Variants in ADGRG4 observed in about 807,000 individuals in gnomAD.
ADGRG4 encodes the protein adhesion G protein-coupled receptor G4, also known as G protein-coupled receptor 112.
Under a neutral mutation model 126.2 loss-of-function variants are expected in ADGRG4, and 122 were observed. That is an observed-to-expected ratio of 0.97 (90% confidence interval 0.83 to 1.12). The LOEUF (loss-of-function observed/expected upper bound fraction) is 1.12, where lower values mean the gene tolerates loss of function less well. Among genes scored for constraint, ADGRG4 ranks in the 50% most tolerant of loss-of-function variants. The pLI is 0.00. For synonymous variants in ADGRG4, 943 were observed against 838.7 expected (o/e 1.12, Z -2.15); for missense variants, 2,481 against 2,251.8 (o/e 1.10, Z -2.06).
At chrX:136,361,993 C>T (rs1451529756) in intron 12 of ADGRG4, among the ~76,000 whole-genome samples, 1 of 112,121 alleles carries the variant, frequency 8.9e-6, no homozygotes, top group African/African-American at 3.2e-5. Flanking sequence ...GTTTATCAAA[C>T]ATTTTCCATG....
intron 15 of ADGRG4, among the ~76,000 whole-genome samples, chrX:136,384,369 TCA>T (rs2075282577): frequency 8.9e-6 from 1 of 112,300 alleles, no homozygotes; most frequent in Non-Finnish European, 1.9e-5. Context: ...GCTATAATTG[TCA>T]CACACATATT....
intron 5 of ADGRG4, among the ~76,000 whole-genome samples, chrX:136,328,125 A>C (rs963512394): frequency 3.6e-5 from 4 of 111,303 alleles, no homozygotes; most frequent in Admixed American, 9.6e-5. Flanking sequence ...ATTTAATAAT[A>C]TTTTTGGAGG....
At chrX:136,364,375 G>C (rs1039279993) in intron 13 of ADGRG4, among the ~76,000 whole-genome samples, 1 of 111,409 alleles carries the variant, frequency 9.0e-6, no homozygotes, top group South Asian at 3.8e-4. Flanking sequence ...ACAAAGTGGA[G>C]CATACTATAC....
At chrX:136,393,644 G>A (rs1280088850) in intron 18 of ADGRG4, 64 bp downstream of exon 18, 1 of 833,184 alleles carries the variant, frequency 1.2e-6, no homozygotes, top group Non-Finnish European at 1.8e-6. Flanking sequence ...GCAGTTAAAT[G>A]GGAGGGGGTT....
Position 136,414,030 on chromosome X carries a change from T to G in ADGRG4, c.9038-130T>G, listed in dbSNP as rs747125754. On this transcript the variant is annotated intron_variant, in intron 24 of 25. Coordinates refer to ENST00000394143, the MANE Select transcript of ADGRG4 (RefSeq NM_153834.4). ...TGCTGGAATTACAGGCGTGAGCCAC[T>G]GCGCCTGGCCTAAACTTTGTATTTT... 407 of 540,650 alleles carry G rather than the reference T, an allele frequency of 7.5e-4. 1 individual carries two copies. Among genetic ancestry groups the G allele is most frequent in the Non-Finnish European group, 1.1e-3 (372 of 353,922 alleles). 44.6% of individuals were successfully genotyped at this position (540,650 alleles called of 1,213,427 possible). A position where few individuals can be genotyped will look rare whatever the true frequency, so the allele number is the denominator to read the frequency against.
In ADGRG4 at chrX:136,395,485, G is replaced by A; in HGVS notation, c.8176G>A (p.Val2726Ile). 1 of 1,124,655 alleles carries A rather than the reference G, an allele frequency of 8.9e-7. No individual in the cohort carries two copies. Among genetic ancestry groups the A allele is most frequent in the Non-Finnish European group, 1.2e-6 (1 of 819,861 alleles). The allele number at this position is 1,124,655 out of a possible 1,213,427, so 92.7% of individuals were successfully genotyped here. The stretch of plus-strand genomic sequence containing the variant: ...GTGTGACCACCTCACCCATTTTGGA[G>A]TCTTAATGGTGAGTTGTCTCTTAGT... ...CQCDHLTHFG[V>I]LMDLSRSTVD... Residue 2726 changes from valine (V) to isoleucine (I), a missense_variant, in exon 19 of 26, where the codon GTC becomes ATC. Coordinates refer to ENST00000394143, the MANE Select transcript of ADGRG4 (RefSeq NM_153834.4).
chrX:136,312,404 A>T (rs1422884295), intron 4 of ADGRG4, among the ~76,000 whole-genome samples: 2 of 112,034 alleles, frequency 1.8e-5, no homozygotes, highest in African/African-American at 6.5e-5. Flanking sequence ...AGGCAGGTGG[A>T]TCACTTGAGC....
Position 136,392,216 on chromosome X carries a change from T to G in ADGRG4, c.7912-16T>G. On this transcript the variant is annotated splice_polypyrimidine_tract_variant and intron_variant, in intron 16 of 25. Coordinates refer to ENST00000394143, the MANE Select transcript of ADGRG4 (RefSeq NM_153834.4). ...AGAAATTTAGGTCCTGAACTCCTCTTTTGTTTCATCTGCAGACCAAAAATG... is the reference window on the plus strand; with the variant it reads ...AGAAATTTAGGTCCTGAACTCCTCTGTTGTTTCATCTGCAGACCAAAAATG... The G allele has an allele frequency of 8.7e-7, 1 of 1,148,235 alleles. No homozygotes were observed. The highest frequency in any genetic ancestry group is 2.4e-4 in the Middle Eastern group (1 of 4,113). The allele number at this position is 1,148,235 out of a possible 1,213,427, so 94.6% of individuals were successfully genotyped here.
Position 136,350,153 on chromosome X carries a change from C to G in ADGRG4, c.6447C>G (p.Ser2149Arg). 8.3e-7 allele frequency: 1 copy of G among 1,210,452 alleles called. No homozygotes were observed. Among genetic ancestry groups the G allele is most frequent in the Non-Finnish European group, 1.1e-6 (1 of 894,507 alleles). ...CTGTTGGTGCCATGCCTCTGCCTAG[C>G]TCTACAATAACATCTTCATGGAACA... ...TLSVGAMPLPSSTITSSWNRI... is the reference protein window; with the variant it reads ...TLSVGAMPLPRSTITSSWNRI... Residue 2149 changes from serine to arginine, a missense_variant, in exon 6 of 26, where the codon AGC becomes AGG. Physicochemically the swap from Ser to Arg is moderately radical, Grantham distance 110. Coordinates refer to ENST00000394143, the MANE Select transcript of ADGRG4 (RefSeq NM_153834.4).
chrX:136,305,739 G>A lies in ADGRG4; in HGVS notation c.-10+716G>A, dbSNP rs967234716. Among the ~76,000 whole-genome samples the A allele has an allele frequency of 4.5e-5, 5 of 111,940 alleles. No individual in the cohort carries two copies. The East Asian group carries it at 1.4e-3, about 31-fold the overall frequency. On this transcript the variant is annotated intron_variant, in intron 3 of 25. Transcript: ENST00000394143. ...ACACCTCCTCCTCCCCACTTTCTTA[G>A]TAAAGTGAAATGAGCCTTAGTCAAG...
chrX:136,330,342 A>G (rs1370545075), intron 5 of ADGRG4, among the ~76,000 whole-genome samples: 2 of 110,478 alleles, frequency 1.8e-5, no homozygotes, highest in Non-Finnish European at 3.8e-5. Flanking sequence ...TTTCAACAAT[A>G]TTATATAAAT....
chrX:136,341,234 A>T (rs776774680), intron 5 of ADGRG4, among the ~76,000 whole-genome samples: 1 of 112,706 alleles, frequency 8.9e-6, no homozygotes, highest in East Asian at 2.8e-4. Flanking sequence ...CTACTTATGG[A>T]TTACTCCAAT....
At chrX:136,321,320 A>T (rs1056376169) in intron 4 of ADGRG4, among the ~76,000 whole-genome samples, 1 of 111,945 alleles carries the variant, frequency 8.9e-6, no homozygotes, top group South Asian at 3.8e-4. Context: ...TGCAGGTGGA[A>T]TGTATATGAG....
intron 16 of ADGRG4, among the ~76,000 whole-genome samples, chrX:136,391,834 T>A (rs755688995): frequency 3.5e-5 from 4 of 112,748 alleles, no homozygotes; most frequent in Non-Finnish European, 7.5e-5. Context: ...TAGATTTAGG[T>A]TTCTTATAGA....
intron 1 of ADGRG4, among the ~76,000 whole-genome samples, chrX:136,301,585 A>G (rs1189000645): frequency 8.9e-6 from 1 of 111,735 alleles, no homozygotes; most frequent in African/African-American, 3.3e-5. Flanking sequence ...GAAGCCCTTT[A>G]ATTTAATTAG....
At chrX:136,393,482 A>G in intron 17 of ADGRG4, 53 bp from the exon 18 acceptor site, 3 of 1,011,786 alleles carry the variant, frequency 3.0e-6, no homozygotes, top group Non-Finnish European at 2.8e-6. Context: ...ATATGTTACT[A>G]TATGGTAAAT....
intron 13 of ADGRG4, among the ~76,000 whole-genome samples, chrX:136,370,087 G>C (rs927643003): frequency 9.0e-6 from 1 of 111,346 alleles, no homozygotes; most frequent in African/African-American, 3.3e-5. Context: ...AGGAGATGCT[G>C]ATAACTAGGG....
intron 14 of ADGRG4, 152 bp downstream of exon 14, chrX:136,371,696 CA>C (rs2075195611): frequency 2.6e-6 from 1 of 391,664 alleles, no homozygotes; most frequent in Non-Finnish European, 4.4e-6. Context: ...TGAACAAGTA[CA>C]GAATTTTTTC....
chrX:136,376,639 TATTGTATTG>T (rs1569331914), intron 15 of ADGRG4, among the ~76,000 whole-genome samples: 161 of 96,012 alleles, frequency 1.7e-3, no homozygotes, highest in Middle Eastern at 5.6e-3. Context: ...TATTGTATTG[TATTGTATTG>T]TATTGTATTG....
Sources: allele counts gnomAD v4.1 joint callset (sites outside exome capture counted in the v4.1 genomes callset), GRCh38; gene constraint gnomAD v4.1.1; transcripts MANE v1.5; gene names NCBI Gene and HGNC (gene_info 2026-07-23, HGNC 2026-07-21).